The following UBE2L3 variants were observed in gnomAD, a reference collection of about 807,000 sequenced individuals.
The protein encoded by UBE2L3 is ubiquitin-conjugating enzyme E2 L3.
In UBE2L3, 1 loss-of-function variant was observed where a neutral mutation model predicts 17.8. The observed-to-expected ratio is 0.06, with a 90% CI of 0.02 to 0.27. The LOEUF (loss-of-function observed/expected upper bound fraction) is 0.27. UBE2L3 is among the 10% of genes least tolerant of loss of function. The probability of loss-of-function intolerance (pLI) is 1.00; values close to 1 mark genes in which losing one functional copy is unlikely to be tolerated. For synonymous variants in UBE2L3, 44 were observed against 68.5 expected (o/e 0.64, Z 1.76); for missense variants, 40 against 192.6 (o/e 0.21, Z 4.69).
intron 1 of UBE2L3, among the ~76,000 whole-genome samples, chr22:21,570,691 T>C (rs950424971): frequency 2.6e-5 from 4 of 152,144 alleles, no homozygotes; most frequent in Non-Finnish European, 4.4e-5. Flanking sequence ...TGAGAATCAA[T>C]GTTTAAGACT....
intron 2 of UBE2L3, among the ~76,000 whole-genome samples, chr22:21,608,881 CCA>C (rs1929319778): frequency 6.6e-6 from 1 of 151,014 alleles, no homozygotes; most frequent in Non-Finnish European, 1.5e-5. Flanking sequence ...TGCTCCTGGC[CCA>C]GTTTGGCAGT....
At chr22:21,618,109 A>T (rs1355625951) in intron 3 of UBE2L3, among the ~76,000 whole-genome samples, 1 of 152,148 alleles carries the variant, frequency 6.6e-6, no homozygotes, top group Non-Finnish European at 1.5e-5. Context: ...TGAACCCAGG[A>T]GGTGGAGGTT....
chr22:21,588,060 CTCTT>C (rs1928042960), intron 1 of UBE2L3, among the ~76,000 whole-genome samples: 1 of 152,170 alleles, frequency 6.6e-6, no homozygotes, highest in South Asian at 2.1e-4. Context: ...CTTGAACTCT[CTCTT>C]TGTCAGCACT....
intron 1 of UBE2L3, among the ~76,000 whole-genome samples, chr22:21,586,675 C>G (rs949625893): frequency 2.0e-5 from 3 of 151,216 alleles, no homozygotes; most frequent in Non-Finnish European, 4.4e-5. Context: ...TCCAGTGATT[C>G]TCCAACCTCA....
chr22:21,601,249 AAG>A (rs1928841390), intron 2 of UBE2L3, among the ~76,000 whole-genome samples: 1 of 152,108 alleles, frequency 6.6e-6, no homozygotes, highest in Admixed American at 6.5e-5. Flanking sequence ...AACATGGAGT[AAG>A]GACATATTCC....
intron 2 of UBE2L3, among the ~76,000 whole-genome samples, chr22:21,595,906 G>A (rs1201725275): frequency 6.6e-6 from 1 of 151,140 alleles, no homozygotes; most frequent in Non-Finnish European, 1.5e-5. Flanking sequence ...TTGGAGTCTC[G>A]CTCTGTCGCT....
At chr22:21,601,929 G>A (rs1456709987) in intron 2 of UBE2L3, among the ~76,000 whole-genome samples, 6 of 142,920 alleles carry the variant, frequency 4.2e-5, no homozygotes, top group African/African-American at 7.9e-5. Context: ...CCGAGATTGC[G>A]CCACTGAACT....
chr22:21,576,305 GTTTT>G (rs113483961), intron 1 of UBE2L3, among the ~76,000 whole-genome samples: 7 of 141,622 alleles, frequency 4.9e-5, no homozygotes, highest in Non-Finnish European at 4.7e-5. Context: ...GTTTTTTTTT[GTTTT>G]TTTTTTGAGA....
chr22:21,612,526 C>T (rs1358970445), intron 3 of UBE2L3, among the ~76,000 whole-genome samples: 2 of 151,210 alleles, frequency 1.3e-5, no homozygotes, highest in African/African-American at 4.9e-5. Flanking sequence ...GGGGTTTCAC[C>T]ATGTTAGCCA....
intron 2 of UBE2L3, among the ~76,000 whole-genome samples, chr22:21,606,753 G>A (rs370587298): frequency 6.6e-6 from 1 of 152,286 alleles, no homozygotes; most frequent in South Asian, 2.1e-4. Context: ...GGAGGCTGAG[G>A]TGGGAGGATT....
intron 1 of UBE2L3, among the ~76,000 whole-genome samples, chr22:21,583,428 T>A (rs369193401): frequency 6.6e-6 from 1 of 152,216 alleles, no homozygotes; most frequent in Non-Finnish European, 1.5e-5. Context: ...TTAACAGATA[T>A]AAAATGACAC....
intron 1 of UBE2L3, among the ~76,000 whole-genome samples, chr22:21,561,591 AG>A (rs113212917): frequency 1.0e-3 from 158 of 151,976 alleles, no homozygotes; most frequent in African/African-American, 1.7e-3. Flanking sequence ...CAAAAAAAAA[AG>A]GGGGTCCAGC....
At position 21,620,434 on chromosome 22, in the gene UBE2L3, T is replaced by A. The variant is rs113781059; in HGVS notation, c.311-1081T>A. ...TGACAGCAAGACTGTCTAAAAAAAA[T>A]AAGAAGGAATTTGTGGCATCAGCAG... On this transcript the variant is annotated intron_variant, in intron 3 of 3. Transcript: ENST00000342192. Among the ~76,000 whole-genome samples, 10 of 151,982 alleles carry A rather than the reference T, an allele frequency of 6.6e-5. 2 individuals are homozygous for A. Among genetic ancestry groups the A allele is most frequent in the African/African-American group, 2.4e-4 (10 of 41,452 alleles).
intron 1 of UBE2L3, among the ~76,000 whole-genome samples, chr22:21,586,875 C>A (rs568280619): frequency 1.6e-3 from 191 of 118,946 alleles, no homozygotes; most frequent in South Asian, 3.8e-3. Flanking sequence ...TGTGCCCGGC[C>A]TTTTTTTTTT....
At chr22:21,590,483 C>T (rs1928195980) in intron 1 of UBE2L3, among the ~76,000 whole-genome samples, 1 of 152,234 alleles carries the variant, frequency 6.6e-6, no homozygotes, top group South Asian at 2.1e-4. Flanking sequence ...CAGGCGTGAG[C>T]CAACGCACTC....
intron 1 of UBE2L3, among the ~76,000 whole-genome samples, chr22:21,558,373 C>T (rs1926312750): frequency 6.6e-6 from 1 of 152,270 alleles, no homozygotes. Flanking sequence ...TGGCTTACGC[C>T]TGTAATCCCA....
intron 1 of UBE2L3, among the ~76,000 whole-genome samples, chr22:21,555,963 G>A (rs558035596): frequency 4.0e-4 from 61 of 152,282 alleles, no homozygotes; most frequent in African/African-American, 1.3e-3. Context: ...GGCCCAGAAT[G>A]GTGTCTTAAG....
At chr22:21,596,028 G>A (rs1289976741) in intron 2 of UBE2L3, among the ~76,000 whole-genome samples, 8 of 151,930 alleles carry the variant, frequency 5.3e-5, no homozygotes, top group Admixed American at 1.3e-4. Flanking sequence ...ACCACACCCC[G>A]CTAATTTTTG....
intron 2 of UBE2L3, among the ~76,000 whole-genome samples, chr22:21,600,312 TA>T (rs774202296): frequency 1.0e-3 from 154 of 151,962 alleles, no homozygotes; most frequent in Non-Finnish European, 1.9e-3. Context: ...AAACTCCATC[TA>T]AAAAAACAAA....
Sources: allele counts gnomAD v4.1 joint callset (sites outside exome capture counted in the v4.1 genomes callset), GRCh38; gene constraint gnomAD v4.1.1; transcripts MANE v1.5; gene names NCBI Gene and HGNC (gene_info 2026-07-23, HGNC 2026-07-21).